RETREG3: variants seen among roughly 807,000 people sequenced by gnomAD.
RETREG3 encodes the protein reticulophagy regulator family member 3.
A neutral mutation model predicts 50.2 loss-of-function variants in RETREG3; 23 were observed. The observed-to-expected ratio is 0.46, with a 90% CI of 0.33 to 0.65. The LOEUF (loss-of-function observed/expected upper bound fraction) is 0.65, where lower values mean the gene tolerates loss of function less well. Among genes scored for constraint, RETREG3 ranks in the 30% least tolerant of loss-of-function variants. The probability of loss-of-function intolerance (pLI) is 0.02; values close to 1 mark genes in which losing one functional copy is unlikely to be tolerated. For synonymous variants in RETREG3, 240 were observed against 234.4 expected, an observed-to-expected ratio of 1.02 and a Z score of -0.22; for missense variants, 546 against 598.0, an observed-to-expected ratio of 0.91 and a Z score of 0.91.
chr17:42,583,933 G>C (rs1212239663), intron 6 of RETREG3, among the ~76,000 whole-genome samples: 1 of 152,098 alleles, frequency 6.6e-6, no homozygotes, highest in Non-Finnish European at 1.5e-5. Flanking sequence ...TCAGCCTCCT[G>C]AGTAGCTGAG....
At position 42,599,653 on chromosome 17, in the gene RETREG3, C is replaced by CAAA. The variant is rs71157649; in HGVS notation, c.240-7494_240-7492dup. Among the ~76,000 whole-genome samples the CAAA allele has an allele frequency of 7.6e-4, 82 of 108,342 alleles. No individual in the cohort carries two copies. The East Asian group carries it at 8.9e-3, about 12-fold the overall frequency. The allele number at this position is 108,342 out of a possible 152,430, so 71.1% of individuals were successfully genotyped here. A position where few individuals can be genotyped will look rare whatever the true frequency, so the allele number is the denominator to read the frequency against. On this transcript the variant is annotated intron_variant, in intron 1 of 8. Coordinates refer to ENST00000309428, the MANE Select transcript of RETREG3 (RefSeq NM_178126.4). ...TGGGTGACAGAGTAAGGCTCCGTCTCAAAAAAAAAAAAAAAAAATTATACA... is the reference window on the plus strand; with the variant it reads ...TGGGTGACAGAGTAAGGCTCCGTCTCAAAAAAAAAAAAAAAAAAAAATTATACA...
At chr17:42,586,303 G>A in intron 4 of RETREG3, 166 bp from the exon 5 acceptor site, 1 of 632,106 alleles carries the variant, frequency 1.6e-6, no homozygotes, top group Middle Eastern at 4.4e-4. Context: ...AAAGGAGCAT[G>A]TCCCCTTCTA....
chr17:42,582,344 T>G, intron 8 of RETREG3, 74 bp from the exon 9 acceptor site: 2 of 1,427,964 alleles, frequency 1.4e-6, no homozygotes, highest in Non-Finnish European at 1.9e-6. Flanking sequence ...CATGACCAGA[T>G]TTTTCCCACC....
chr17:42,581,724 G>C lies in RETREG3; in HGVS notation c.*89C>G. 8.3e-7 allele frequency: 1 copy of C among 1,200,978 alleles called. No homozygotes were observed. Among genetic ancestry groups the C allele is most frequent in the Non-Finnish European group, 1.1e-6 (1 of 874,484 alleles). The allele number at this position is 1,200,978 out of a possible 1,614,324, so 74.4% of individuals were successfully genotyped here. On this transcript the variant is annotated 3_prime_UTR_variant, in exon 9 of 9. Transcript: ENST00000309428. ...CATACAAATATAATTCAGGGGAGGG[G>C]AGCTGAGTTCTTCCCTTGCCCCATC...
intron 1 of RETREG3, chr17:42,608,864 G>A (rs540628767): frequency 7.4e-6 from 4 of 543,092 alleles, no homozygotes; most frequent in East Asian, 6.3e-5. Context: ...GCGGGGCGGG[G>A]GTGCGGGCAC....
Position 42,581,812 on chromosome 17 carries a change from C to G in RETREG3, c.*1G>C. 6.4e-7 allele frequency: 1 copy of G among 1,565,172 alleles called. No individual in the cohort carries two copies. Among genetic ancestry groups the G allele is most frequent in the South Asian group, 1.2e-5 (1 of 83,872 alleles). On this transcript the variant is annotated 3_prime_UTR_variant, in exon 9 of 9. Transcript: ENST00000309428. Reference sequence around the variant, plus strand: ...AGTGACTCCCAAAAGGAGTCTCTGCCTCAGTGGCTCCTAGAACTGGCAGGG... The same window carrying G: ...AGTGACTCCCAAAAGGAGTCTCTGCGTCAGTGGCTCCTAGAACTGGCAGGG...
chr17:42,609,255 C>CTCG lies in RETREG3; in HGVS notation c.67_69dup (p.Arg23dup). The CTCG allele has an allele frequency of 6.2e-7, 1 of 1,606,850 alleles. No homozygotes were observed. Among genetic ancestry groups the CTCG allele is most frequent in the Non-Finnish European group, 8.5e-7 (1 of 1,179,814 alleles). On this transcript the variant is annotated inframe_insertion, in exon 1 of 9. Transcript: ENST00000309428. ...TCCCGCTCCCAGGAGCCTGACACAT[C>CTCG]TCGGCGGCCCCTGAAAGTCGACCCC... is the stretch of plus-strand genomic sequence containing the variant.
chr17:42,585,137 T>C lies in RETREG3; in HGVS notation c.715A>G (p.Arg239Gly). Residue 239 changes from arginine to glycine, a missense_variant, in exon 6 of 9, where the codon AGA becomes GGA. Arg to Gly is a moderately radical substitution (Grantham distance 125). Coordinates refer to ENST00000309428, the MANE Select transcript of RETREG3 (RefSeq NM_178126.4). ...CCATGACACTTACATTGTCTCTCTC[T>C]CTGCTTGGACATCATGTAGCCACGG... is the stretch of plus-strand genomic sequence containing the variant. ...SVRGYMMSKQ[R>G]ERQLRRRALH... 3.1e-6 allele frequency: 5 copies of C among 1,613,286 alleles called. No individual in the cohort carries two copies. Among genetic ancestry groups the C allele is most frequent in the Non-Finnish European group, 4.2e-6 (5 of 1,180,024 alleles).
At chr17:42,587,722 A>T in intron 3 of RETREG3, 112 bp downstream of exon 3, 2 of 1,298,228 alleles carry the variant, frequency 1.5e-6, no homozygotes, top group Non-Finnish European at 1.1e-6. Flanking sequence ...GGAACAGCCT[A>T]GGTTCTCAGT....
At chr17:42,593,071 C>T (rs2093136279) in intron 1 of RETREG3, among the ~76,000 whole-genome samples, 1 of 152,130 alleles carries the variant, frequency 6.6e-6, no homozygotes, top group Admixed American at 6.6e-5. Context: ...AAAAAGGAAA[C>T]ACTTCTTGAT....
At chr17:42,590,390 G>A (rs990833844) in intron 2 of RETREG3, among the ~76,000 whole-genome samples, 18 of 151,954 alleles carry the variant, frequency 1.2e-4, no homozygotes, top group Non-Finnish European at 1.9e-4. Context: ...ATAAGAATAG[G>A]GCTGGGCGCG....
chr17:42,604,119 G>A (rs1467265375), intron 1 of RETREG3, among the ~76,000 whole-genome samples: 1 of 151,838 alleles, frequency 6.6e-6, no homozygotes, highest in Non-Finnish European at 1.5e-5. Flanking sequence ...CAGAATTGCT[G>A]TATATCCTTA....
intron 1 of RETREG3, among the ~76,000 whole-genome samples, chr17:42,604,580 G>A (rs1045266545): frequency 2.0e-5 from 3 of 151,644 alleles, no homozygotes; most frequent in African/African-American, 7.3e-5. Context: ...TGAGGCAAGA[G>A]GACTGCTGGA....
intron 1 of RETREG3, among the ~76,000 whole-genome samples, chr17:42,607,072 G>A (rs1414241861): frequency 6.6e-6 from 1 of 152,114 alleles, no homozygotes; most frequent in African/African-American, 2.4e-5. Flanking sequence ...TTGGTTTAAT[G>A]AGGCCCAGCC....
At position 42,595,038 on chromosome 17, in the gene RETREG3, C is replaced by T. The variant is rs2093141311; in HGVS notation, c.240-2876G>A. Among the ~76,000 whole-genome samples the T allele has an allele frequency of 2.2e-5, 3 of 136,682 alleles. No homozygotes were observed. In the South Asian group the frequency reaches 7.4e-4, roughly 34 times the overall value. The allele number at this position is 136,682 out of a possible 152,430, so 89.7% of individuals were successfully genotyped here. ...CTGGAGTGCAATGGCGCGATCTTGG[C>T]TCACTGCAACCTCCACCTTCTGGTT... is the stretch of plus-strand genomic sequence containing the variant. On this transcript the variant is annotated intron_variant, in intron 1 of 8. Coordinates refer to ENST00000309428, the MANE Select transcript of RETREG3 (RefSeq NM_178126.4).
chr17:42,591,342 C>CTT (rs796516343), intron 2 of RETREG3, among the ~76,000 whole-genome samples: 14 of 140,374 alleles, frequency 1.0e-4, no homozygotes, highest in African/African-American at 2.1e-4. Flanking sequence ...ATGGTACTTT[C>CTT]TTTTTTTTTT....
At chr17:42,591,436 G>A (rs1305021400) in intron 2 of RETREG3, among the ~76,000 whole-genome samples, 2 of 151,842 alleles carry the variant, frequency 1.3e-5, no homozygotes, top group African/African-American at 4.8e-5. Flanking sequence ...CGCCTCCCAG[G>A]TTCAAGTGAT....
At chr17:42,586,984 G>T in intron 3 of RETREG3, 93 bp from the exon 4 acceptor site, 1 of 1,542,452 alleles carries the variant, frequency 6.5e-7, no homozygotes, top group Non-Finnish European at 8.8e-7. Context: ...GTTTTAAATG[G>T]GGTTTGGGGA....
At chr17:42,585,385 T>A in intron 5 of RETREG3, 123 bp from the exon 6 acceptor site, 2 of 1,369,530 alleles carry the variant, frequency 1.5e-6, no homozygotes, top group East Asian at 2.5e-5. Flanking sequence ...TCTGCCCAAG[T>A]CTGCCAGTCA....
Sources: allele counts gnomAD v4.1 joint callset (sites outside exome capture counted in the v4.1 genomes callset), GRCh38; gene constraint gnomAD v4.1.1; transcripts MANE v1.5; gene names NCBI Gene and HGNC (gene_info 2026-07-23, HGNC 2026-07-21).